L3MBTL1: variants seen among roughly 807,000 people sequenced by gnomAD.
The protein encoded by L3MBTL1 is lethal(3)malignant brain tumor-like protein 1.
In L3MBTL1, 75 loss-of-function variants were observed where a neutral mutation model predicts 105.3. The ratio of observed to expected loss-of-function variants is 0.71; its 90% CI spans 0.59 to 0.86. L3MBTL1 has a LOEUF of 0.86. Ranked by LOEUF, L3MBTL1 falls within the 40% of genes least tolerant of loss-of-function variation. L3MBTL1 has a pLI of 0.00. For missense variants in L3MBTL1, 1,069 were observed against 1,126.4 expected (o/e 0.95, Z 0.73); for synonymous variants, 452 against 436.2 (o/e 1.04, Z -0.45).
intron 7 of L3MBTL1, 108 bp from the exon 8 acceptor site, chr20:43,528,549 G>A: frequency 2.5e-6 from 2 of 793,642 alleles, no homozygotes; most frequent in Non-Finnish European, 4.3e-6. Flanking sequence ...TGTGAACACA[G>A]ACAAAGATTT....
intron 12 of L3MBTL1, 139 bp from the exon 13 acceptor site, chr20:43,533,203 T>G: frequency 1.3e-6 from 1 of 759,932 alleles, no homozygotes; most frequent in South Asian, 1.9e-5. Flanking sequence ...CATGTTGCAA[T>G]TTTCTAACTT....
In L3MBTL1 at chr20:43,530,481, C is replaced by T. The variant is rs148589682; in HGVS notation, c.1192+62C>T. The T allele has an allele frequency of 3.4e-3, 5,267 of 1,544,636 alleles. 24 individuals are homozygous for T. Among genetic ancestry groups the T allele is most frequent in the South Asian group, 4.5e-3 (374 of 83,750 alleles). ...AGTCCTCAGACCCTTCGCTTCTTCC[C>T]CTTGGGTCCCCGGCTTCCAGCTCTT... On this transcript the variant is annotated intron_variant, in intron 10 of 21. Coordinates refer to ENST00000418998, the MANE Select transcript of L3MBTL1 (RefSeq NM_001377303.1).
At chr20:43,511,169 C>T (rs1407628591) in intron 1 of L3MBTL1, among the ~76,000 whole-genome samples, 1 of 152,216 alleles carries the variant, frequency 6.6e-6, no homozygotes, top group Non-Finnish European at 1.5e-5. Flanking sequence ...TCTCCTGCCT[C>T]AGCCTCCCCA....
chr20:43,541,969 G>A (rs531019945), downstream of L3MBTL1: 28 of 905,226 alleles, frequency 3.1e-5, no homozygotes, highest in South Asian at 3.1e-4. Flanking sequence ...TCAGGACTTC[G>A]GGAGGCCACG....
In L3MBTL1 at chr20:43,515,329, G is replaced by A; in HGVS notation, c.691G>A (p.Ala231Thr). The part of the protein sequence containing the change: ...IVENSSGSTS[A>T]SELLKPMKKR... ...GGAGAACTCCTCAGGCTCTACCAGCGCTTCTGAGCTCCTCAAACCCATGAA... is the reference window on the plus strand; with the variant it reads ...GGAGAACTCCTCAGGCTCTACCAGCACTTCTGAGCTCCTCAAACCCATGAA... The change falls in exon 6 of 22, where the codon GCT becomes ACT. Residue 231 changes from alanine (A) to threonine (T), a missense_variant. Coordinates refer to ENST00000418998, the MANE Select transcript of L3MBTL1 (RefSeq NM_001377303.1). The A allele has an allele frequency of 6.3e-7, 1 of 1,588,432 alleles. No individual in the cohort carries two copies. Among genetic ancestry groups the A allele is most frequent in the Non-Finnish European group, 8.6e-7 (1 of 1,166,028 alleles).
Position 43,536,259 on chromosome 20 carries a change from C to T in L3MBTL1, c.2088C>T (p.Gly696=), listed in dbSNP as rs1405653396. 1 of 1,612,256 alleles carries T rather than the reference C, an allele frequency of 6.2e-7. No homozygotes were observed. The highest frequency in any genetic ancestry group is 1.7e-5 in the Admixed American group (1 of 59,818). Residue 696 remains glycine, a synonymous_variant, in exon 18 of 22, where the codon GGC becomes GGT. Transcript: ENST00000418998. ...EASARKKNLS[G]FSPRKKPRHH... ...CAGCCCGCAAGAAGAACCTCTCAGG[C>T]TTCTCCCCAAGGAAGAAGCCTCGCC...
In L3MBTL1 at chr20:43,515,400, G is replaced by A. The variant is rs2018337119; in HGVS notation, c.762G>A (p.Ser254=). The change falls in exon 6 of 22, where the codon TCG becomes TCA. Residue 254 remains serine, a synonymous_variant. Transcript: ENST00000418998. ...ACCAGAGCCCATCAGAGGAGGAGTC[G>A]GAGCCAGAGGCCATGGTAGGAAGAG... is the stretch of plus-strand genomic sequence containing the variant. ...REYQSPSEEE[S]EPEAMEKQEE... is the part of the protein sequence containing the mutation. 1.3e-6 allele frequency: 2 copies of A among 1,557,172 alleles called. No individual in the cohort carries two copies.
chr20:43,530,547 CT>C, intron 10 of L3MBTL1, 128 bp downstream of exon 10: 1 of 1,097,250 alleles, frequency 9.1e-7, no homozygotes, highest in Non-Finnish European at 1.3e-6. Context: ...GCCAGCCTCT[CT>C]TCATCGCATC....
At chr20:43,520,342 T>C (rs2018644200) in intron 7 of L3MBTL1, among the ~76,000 whole-genome samples, 1 of 152,224 alleles carries the variant, frequency 6.6e-6, no homozygotes. Context: ...CTATTATGAA[T>C]AATGCCAGTA....
Position 43,534,388 on chromosome 20 carries a change from G to C in L3MBTL1, c.1704G>C (p.Arg568=). ...VASVEDVEDH[R]IKIHFDGWSH... ...GCGTGGAGGATGTGGAGGACCATCG[G>C]ATAAAGGTGGCTCTGGGACCCTAGG... Residue 568 remains arginine, a synonymous_variant, in exon 15 of 22, where the codon CGG becomes CGC. Transcript: ENST00000418998. 6.2e-7 allele frequency: 1 copy of C among 1,613,932 alleles called. No individual in the cohort carries two copies. The highest frequency in any genetic ancestry group is 1.3e-5 in the African/African-American group (1 of 75,050).
intron 18 of L3MBTL1, chr20:43,547,963 C>T: frequency 5.5e-6 from 2 of 361,788 alleles, no homozygotes; most frequent in South Asian, 2.5e-5. Context: ...CTTTCTCTCC[C>T]CTTCTCTCCT....
intron 7 of L3MBTL1, among the ~76,000 whole-genome samples, chr20:43,521,814 A>G (rs577274518): frequency 1.3e-5 from 2 of 152,290 alleles, no homozygotes; most frequent in East Asian, 3.9e-4. Flanking sequence ...CAGCCTTCTG[A>G]GTAGCTGGGA....
intron 1 of L3MBTL1, 30 bp downstream of exon 1, chr20:43,507,774 C>A (rs2145357765): frequency 6.6e-6 from 1 of 152,298 alleles, no homozygotes; most frequent in African/African-American, 2.4e-5. Context: ...TGGGCTCAGA[C>A]CTTGCGTCCC....
In L3MBTL1 at chr20:43,533,327, G is replaced by A. The variant is rs534790289; in HGVS notation, c.1437-15G>A. 6.2e-7 allele frequency: 1 copy of A among 1,612,520 alleles called. No homozygotes were observed. Among genetic ancestry groups the A allele is most frequent in the East Asian group, 2.2e-5 (1 of 44,836 alleles). ...CAAGTTTCTCTTGGGACAGTGACATGTTCTTGGATTTCAGGTGTGATCCCA... is the reference window on the plus strand; with the variant it reads ...CAAGTTTCTCTTGGGACAGTGACATATTCTTGGATTTCAGGTGTGATCCCA... On this transcript the variant is annotated splice_polypyrimidine_tract_variant and intron_variant, in intron 12 of 21. Coordinates refer to ENST00000418998, the MANE Select transcript of L3MBTL1 (RefSeq NM_001377303.1).
chr20:43,523,992 CAAAAAA>C (rs577732076), intron 7 of L3MBTL1, among the ~76,000 whole-genome samples: 1 of 83,096 alleles, frequency 1.2e-5, no homozygotes, highest in Non-Finnish European at 2.5e-5. Context: ...GACTCCATCT[CAAAAAA>C]AAAAAAAAAA....
intron 7 of L3MBTL1, among the ~76,000 whole-genome samples, chr20:43,523,992 CA>C (rs577732076): frequency 3.5e-3 from 294 of 83,092 alleles, no homozygotes; most frequent in African/African-American, 6.9e-3. Flanking sequence ...GACTCCATCT[CA>C]AAAAAAAAAA....
chr20:43,540,738 T>C lies in L3MBTL1; in HGVS notation c.2332-15T>C, dbSNP rs775555345. The C allele has an allele frequency of 6.8e-6, 11 of 1,613,982 alleles. No individual in the cohort carries two copies. Among genetic ancestry groups the C allele is most frequent in the Non-Finnish European group, 9.3e-6 (11 of 1,179,942 alleles). ...GCTCTGTCCCCTGGTCAACATGTCA[T>C]CTTTGGTTTCCAAGGTCTTCGGCTT... On this transcript the variant is annotated splice_polypyrimidine_tract_variant and intron_variant, in intron 20 of 21. Coordinates refer to ENST00000418998, the MANE Select transcript of L3MBTL1 (RefSeq NM_001377303.1).
At chr20:43,547,896 G>A (rs989996416) in intron 18 of L3MBTL1, among the ~76,000 whole-genome samples, 5 of 152,080 alleles carry the variant, frequency 3.3e-5, no homozygotes, top group African/African-American at 9.7e-5. Flanking sequence ...TTCCTTCTCC[G>A]TCCCCATTGC....
At chr20:43,543,194 T>C (rs1978339210), downstream of L3MBTL1, among the ~76,000 whole-genome samples, 1 of 152,196 alleles carries the variant, frequency 6.6e-6, no homozygotes, top group African/African-American at 2.4e-5. Flanking sequence ...GTTTTAAATC[T>C]TGATTCTGTC....
Sources: allele counts gnomAD v4.1 joint callset (sites outside exome capture counted in the v4.1 genomes callset), GRCh38; gene constraint gnomAD v4.1.1; transcripts MANE v1.5; gene names NCBI Gene and HGNC (gene_info 2026-07-23, HGNC 2026-07-21).